GPM6A: variants seen among roughly 807,000 people sequenced by gnomAD.
GPM6A encodes the protein neuronal membrane glycoprotein M6-a.
A neutral mutation model predicts 32.1 loss-of-function variants in GPM6A; 7 were observed. The observed-to-expected ratio is 0.22, with a 90% CI of 0.12 to 0.41. The LOEUF (loss-of-function observed/expected upper bound fraction) is 0.41, where lower values mean the gene tolerates loss of function less well. Ranked by LOEUF, GPM6A falls within the 10% of genes least tolerant of loss-of-function variation. The pLI, the probability that GPM6A is intolerant of heterozygous loss-of-function variation, is 1.00. For missense variants in GPM6A, 235 were observed against 347.2 expected (o/e 0.68, Z 2.57); for synonymous variants, 130 against 123.4 (o/e 1.05, Z -0.35).
rs763676067 is a variant in GPM6A at position 175,766,653 on chromosome 4, C to CT, written c.37+45537dup. Among the ~76,000 whole-genome samples the CT allele has an allele frequency of 0.013, 1,724 of 132,664 alleles. 100 individuals carry two copies. The East Asian group carries it at 0.19, about 15-fold the overall frequency. The allele number at this position is 132,664 out of a possible 152,430, so 87.0% of individuals were successfully genotyped here. A position where few individuals can be genotyped will look rare whatever the true frequency, so the allele number is the denominator to read the frequency against. ...TAGAAGATCAGTGCCTCCACTTACT[C>CT]TTTTTTTTTTTTTTTTTTTGAGACA... On this transcript the variant is annotated intron_variant, in intron 1 of 6. Coordinates refer to ENST00000393658, the MANE Select transcript of GPM6A (RefSeq NM_201591.3).
intron 2 of GPM6A, among the ~76,000 whole-genome samples, chr4:175,686,955 G>C (rs1744014798): frequency 6.6e-6 from 1 of 152,166 alleles, no homozygotes; most frequent in Non-Finnish European, 1.5e-5. Flanking sequence ...AGTAAGAAAT[G>C]CCTGCTTCTT....
intron 1 of GPM6A, among the ~76,000 whole-genome samples, chr4:175,714,614 T>G (rs569669273): frequency 2.0e-5 from 3 of 152,202 alleles, no homozygotes; most frequent in African/African-American, 7.2e-5. Flanking sequence ...GCTATAATTA[T>G]AGTCAGGCAA....
chr4:175,643,910 G>A (rs781664530), intron 4 of GPM6A, among the ~76,000 whole-genome samples: 7 of 151,990 alleles, frequency 4.6e-5, no homozygotes, highest in African/African-American at 1.7e-4. Context: ...GTGCACATAC[G>A]GTCCTTCCCA....
intron 1 of GPM6A, among the ~76,000 whole-genome samples, chr4:175,971,657 A>G (rs540997618): frequency 2.4e-4 from 37 of 152,342 alleles, no homozygotes; most frequent in African/African-American, 7.9e-4. Context: ...GGAGGTGTGC[A>G]GTGAATAGAG....
chr4:175,972,226 A>T (rs541308920), intron 1 of GPM6A, among the ~76,000 whole-genome samples: 106 of 152,272 alleles, frequency 7.0e-4, no homozygotes, highest in East Asian at 1.7e-3. Flanking sequence ...AGATTTTTTT[A>T]AAAAAATTTG....
At chr4:175,709,951 C>G (rs1745439425) in intron 1 of GPM6A, among the ~76,000 whole-genome samples, 1 of 151,830 alleles carries the variant, frequency 6.6e-6, no homozygotes, top group East Asian at 1.9e-4. Flanking sequence ...ATTCTAGACT[C>G]TAGGTAGTAC....
At chr4:175,840,376 C>T (rs1267685740) in intron 1 of GPM6A, among the ~76,000 whole-genome samples, 2 of 152,048 alleles carry the variant, frequency 1.3e-5, no homozygotes, top group Non-Finnish European at 2.9e-5. Context: ...AGAGAGTAAA[C>T]GAGTAATAAA....
intron 2 of GPM6A, among the ~76,000 whole-genome samples, chr4:175,681,220 A>G (rs866023026): frequency 6.6e-6 from 1 of 152,210 alleles, no homozygotes; most frequent in Non-Finnish European, 1.5e-5. Flanking sequence ...AACCAGCAGT[A>G]TATTAGAATG....
In GPM6A at chr4:175,640,236, T is replaced by C. The variant is rs751994554; in HGVS notation, c.619-42A>G. ...AGAGAATCAAAAGGTGTCAGAGTTA[T>C]AGGTAGAAGAGAAGTCAAGATTGCT... On this transcript the variant is annotated intron_variant, in intron 5 of 6. Coordinates refer to ENST00000393658, the MANE Select transcript of GPM6A (RefSeq NM_201591.3). The C allele has an allele frequency of 1.6e-5, 24 of 1,496,334 alleles. 1 individual carries two copies. The highest frequency in any genetic ancestry group is 3.4e-4 in the Middle Eastern group (2 of 5,870). 92.7% of individuals were successfully genotyped at this position (1,496,334 alleles called of 1,614,324 possible). A position where few individuals can be genotyped will look rare whatever the true frequency, so the allele number is the denominator to read the frequency against.
chr4:175,713,521 A>T (rs1745668234), intron 1 of GPM6A, among the ~76,000 whole-genome samples: 1 of 152,210 alleles, frequency 6.6e-6, no homozygotes. Flanking sequence ...GCCTTTTAGA[A>T]TATAGCTCAA....
intron 1 of GPM6A, among the ~76,000 whole-genome samples, chr4:175,880,695 T>C (rs1008681354): frequency 1.3e-5 from 2 of 152,168 alleles, no homozygotes; most frequent in Non-Finnish European, 2.9e-5. Flanking sequence ...GTTTGTCTGT[T>C]ATTGGTGTAT....
At chr4:175,661,058 C>T (rs1051662641) in intron 3 of GPM6A, among the ~76,000 whole-genome samples, 3 of 152,120 alleles carry the variant, frequency 2.0e-5, no homozygotes, top group Non-Finnish European at 4.4e-5. Context: ...TCAGTATATA[C>T]TTGGTGTATA....
At chr4:175,812,608 A>T (rs11930023), upstream of GPM6A, 1 of 1,000,856 alleles carries the variant, frequency 1.0e-6, no homozygotes, top group Non-Finnish European at 1.2e-6. Context: ...CTTGCTTTGC[A>T]TTTAAAATGG....
upstream of GPM6A, chr4:175,813,003 G>A: frequency 1.0e-6 from 1 of 984,702 alleles, no homozygotes; most frequent in Non-Finnish European, 1.2e-6. Flanking sequence ...TGTCAAAGGA[G>A]TGAGTATAAA....
chr4:175,996,222 C>T (rs763632488), intron 1 of GPM6A, among the ~76,000 whole-genome samples: 2 of 152,104 alleles, frequency 1.3e-5, no homozygotes, highest in Non-Finnish European at 2.9e-5. Flanking sequence ...AGAGACAGCT[C>T]TAACTTTGCC....
chr4:175,781,400 T>C (rs1206696543), intron 1 of GPM6A: 3 of 152,154 alleles, frequency 2.0e-5, no homozygotes, highest in Non-Finnish European at 2.9e-5. Context: ...ACAGATTTCA[T>C]GTATCATTAA....
intron 1 of GPM6A, among the ~76,000 whole-genome samples, chr4:175,782,966 AT>A (rs1408022688): frequency 1.4e-5 from 2 of 143,314 alleles, no homozygotes; most frequent in African/African-American, 5.1e-5. Flanking sequence ...CTGAAAAAAA[AT>A]TTATTGTTGT....
chr4:175,703,071 C>T (rs1455918780), intron 1 of GPM6A, among the ~76,000 whole-genome samples: 14 of 152,110 alleles, frequency 9.2e-5, no homozygotes, highest in Non-Finnish European at 1.9e-4. Context: ...ATATGGTTCT[C>T]ATGAGCATTA....
chr4:175,720,378 ACCTCT>A (rs879830053), intron 1 of GPM6A, among the ~76,000 whole-genome samples: 1 of 152,132 alleles, frequency 6.6e-6, no homozygotes, highest in Non-Finnish European at 1.5e-5. Flanking sequence ...CCTATCAGTC[ACCTCT>A]GGTGACTGTG....
Sources: gnomAD v4.1 joint callset for allele counts (sites outside exome capture counted in the v4.1 genomes callset) on GRCh38, gnomAD v4.1.1 for gene constraint, MANE v1.5 for transcripts, NCBI Gene and HGNC (gene_info 2026-07-23, HGNC 2026-07-21) for gene names.